The following CLCN7 variants were observed in gnomAD, a reference collection of about 807,000 sequenced individuals.
CLCN7 encodes the protein Cl-/H+ antiporter 7, also known as H(+)/Cl(-) exchange transporter 7.
In CLCN7, 60 loss-of-function variants were observed where a neutral mutation model predicts 102.1. The observed-to-expected ratio is 0.59, with a 90% CI of 0.48 to 0.73. CLCN7 has a LOEUF of 0.73. Among genes scored for constraint, CLCN7 ranks in the 30% least tolerant of loss-of-function variants. The pLI, the probability that CLCN7 is intolerant of heterozygous loss-of-function variation, is 0.00. For synonymous variants in CLCN7, 560 were observed against 490.5 expected (o/e 1.14, Z -1.87); for missense variants, 962 against 1,125.7 (o/e 0.85, Z 2.08).
rs1420623169 is a variant in CLCN7, at chr16:1,474,979, C to T, written c.-5G>A. 1.4e-6 allele frequency: 2 copies of T among 1,477,674 alleles called. No individual in the cohort carries two copies. The highest frequency in any genetic ancestry group is 1.8e-4 in the Middle Eastern group (1 of 5,630). 91.5% of individuals were successfully genotyped at this position (1,477,674 alleles called of 1,614,324 possible). ...CTTCTTAGAGACGTTGGCCATGGCCCGCCGCGGAGCGACACCGGCCGGGAA... is the reference window on the plus strand; with the variant it reads ...CTTCTTAGAGACGTTGGCCATGGCCTGCCGCGGAGCGACACCGGCCGGGAA... On this transcript the variant is annotated 5_prime_UTR_variant, in exon 1 of 25. Transcript: ENST00000382745.
At chr16:1,473,867 G>C (rs1018954226) in intron 1 of CLCN7, among the ~76,000 whole-genome samples, 2 of 151,836 alleles carry the variant, frequency 1.3e-5, no homozygotes, top group Non-Finnish European at 2.9e-5. Flanking sequence ...GGGGGATCAC[G>C]TGAGGTCGGG....
rs1424593481 is a variant in CLCN7, at chr16:1,457,141, G to C, written c.822+113C>G. 5.8e-6 allele frequency: 6 copies of C among 1,033,576 alleles called. No individual in the cohort carries two copies. The highest frequency in any genetic ancestry group is 9.0e-6 in the Non-Finnish European group (6 of 663,738). The allele number at this position is 1,033,576 out of a possible 1,614,324, so 64.0% of individuals were successfully genotyped here. On this transcript the variant is annotated intron_variant, in intron 9 of 24. Transcript: ENST00000382745. This position sits in a 1 kb window ranked among gnomAD's most constrained non-coding sequence, Gnocchi z 5.4. Reference sequence around the variant, plus strand: ...GGAGCCACCCGCCAGGCTGTCCTCAGATGGGGCTGGGGCTCTCGGCCTGGG... The same window carrying C: ...GGAGCCACCCGCCAGGCTGTCCTCACATGGGGCTGGGGCTCTCGGCCTGGG...
intron 1 of CLCN7, among the ~76,000 whole-genome samples, chr16:1,470,468 CG>C (rs916103784): frequency 1.3e-5 from 2 of 152,174 alleles, no homozygotes; most frequent in African/African-American, 4.8e-5. Context: ...AGCTGCCCCG[CG>C]GGGGGATGGG....
In CLCN7 at chr16:1,455,270, A is replaced by T. The variant is rs1567268736; in HGVS notation, c.982-20T>A. ...AAAGAACTGCGGCAGAGGGCAGGAA[A>T]CCAGCGCCCTCAGAGCCACGCTCCC... On this transcript the variant is annotated intron_variant, in intron 11 of 24. Coordinates refer to ENST00000382745, the MANE Select transcript of CLCN7 (RefSeq NM_001287.6). 1 of 1,473,308 alleles carries T rather than the reference A, an allele frequency of 6.8e-7. No homozygotes were observed. Among genetic ancestry groups the T allele is most frequent in the East Asian group, 2.3e-5 (1 of 44,182 alleles). 91.3% of individuals were successfully genotyped at this position (1,473,308 alleles called of 1,614,324 possible). A position where few individuals can be genotyped will look rare whatever the true frequency, so the allele number is the denominator to read the frequency against.
chr16:1,469,115 A>T (rs1176062660), intron 1 of CLCN7, among the ~76,000 whole-genome samples: 1 of 151,706 alleles, frequency 6.6e-6, no homozygotes, highest in Non-Finnish European at 1.5e-5. Context: ...CTAAGGCAGG[A>T]GAACTGCTTG....
chr16:1,471,797 C>T (rs2039081476), intron 1 of CLCN7: 1 of 152,296 alleles, frequency 6.6e-6, no homozygotes, highest in Admixed American at 6.5e-5. Flanking sequence ...GTCTTGGCCT[C>T]TAGACTCCGC....
chr16:1,460,539 C>T lies in CLCN7; in HGVS notation c.485-12G>A. On this transcript the variant is annotated splice_polypyrimidine_tract_variant and intron_variant, in intron 5 of 24. Transcript: ENST00000382745. The stretch of plus-strand genomic sequence containing the variant: ...GAACTTGTCGATATCTGGGGCTCAT[C>T]AAGGAGGGCTGGCTGCTTCCCCGTC... 1.3e-6 allele frequency: 2 copies of T among 1,599,580 alleles called. No individual in the cohort carries two copies. The highest frequency in any genetic ancestry group is 1.7e-6 in the Non-Finnish European group (2 of 1,167,742).
intron 17 of CLCN7, 156 bp from the exon 18 acceptor site, chr16:1,449,483 ACAC>A: frequency 1.5e-6 from 1 of 682,638 alleles, no homozygotes; most frequent in Middle Eastern, 3.1e-4. Context: ...CTAGCACAGT[ACAC>A]CCTGCTGCGG....
At chr16:1,452,613 A>G in intron 15 of CLCN7, 142 bp downstream of exon 15, 1 of 867,952 alleles carries the variant, frequency 1.2e-6, no homozygotes, top group South Asian at 1.7e-5. Context: ...GACAGGACTA[A>G]CCCTCTTTGA....
chr16:1,455,478 G>A, intron 11 of CLCN7: 1 of 647,372 alleles, frequency 1.5e-6, no homozygotes, highest in Non-Finnish European at 2.8e-6. Flanking sequence ...GGGAAGGTGG[G>A]GCAGGGCTGG....
chr16:1,460,502 G>T lies in CLCN7; in HGVS notation c.510C>A (p.Gly170=). 1.9e-6 allele frequency: 3 copies of T among 1,613,456 alleles called. No homozygotes were observed. The South Asian group carries it at 3.3e-5, about 18-fold the overall frequency. The part of the protein sequence containing the change: ...KGNIDKFTEK[G]GLSFSLLLWA... ...ACAGCAACAGGGAGAAGGACAGTCCGCCCTTCTCTGTGAACTTGTCGATAT... is the reference window on the plus strand; with the variant it reads ...ACAGCAACAGGGAGAAGGACAGTCCTCCCTTCTCTGTGAACTTGTCGATAT... The change falls in exon 6 of 25, where the codon GGC becomes GGA. Residue 170 remains glycine, a synonymous_variant. Coordinates refer to ENST00000382745, the MANE Select transcript of CLCN7 (RefSeq NM_001287.6).
In CLCN7 at chr16:1,448,346, G is replaced by A; in HGVS notation, c.2013+9C>T. On this transcript the variant is annotated intron_variant, in intron 21 of 24. Transcript: ENST00000382745. ...ATAGGCAGGACCCTGTCTATGGGGT[G>A]CCCGGTACCTGGGTGTCATCGGCAT... 3 of 1,612,690 alleles carry A rather than the reference G, an allele frequency of 1.9e-6. No individual in the cohort carries two copies. Among genetic ancestry groups the A allele is most frequent in the South Asian group, 1.1e-5 (1 of 91,080 alleles).
In CLCN7 at chr16:1,461,484, C is replaced by G; in HGVS notation, c.286-14G>C. The G allele has an allele frequency of 6.3e-7, 1 of 1,588,244 alleles. No individual in the cohort carries two copies. The highest frequency in any genetic ancestry group is 1.9e-5 in the Admixed American group (1 of 53,706). On this transcript the variant is annotated splice_polypyrimidine_tract_variant and intron_variant, in intron 3 of 24. Transcript: ENST00000382745. ...ATAGTCCAAGCTCTGCAGGCCGGGA[C>G]AGCAAGGGCAGCACTCAGCACCGAA...
intron 16 of CLCN7, 51 bp from the exon 17 acceptor site, chr16:1,450,717 G>GTCTAC (rs2038734823): frequency 8.0e-7 from 1 of 1,242,996 alleles, no homozygotes; most frequent in Non-Finnish European, 1.1e-6. Context: ...GCCTCCGCAG[G>GTCTAC]ACTGCCCTGC....
At chr16:1,452,234 G>A (rs1182234836) in intron 15 of CLCN7, 5 of 230,948 alleles carry the variant, frequency 2.2e-5, no homozygotes, top group South Asian at 6.3e-5. Flanking sequence ...GCCCACTCCC[G>A]CCGTGGCACC....
Position 1,450,575 on chromosome 16 carries a change from G to A in CLCN7, c.1539C>T (p.Val513=), listed in dbSNP as rs1386352689. The change falls in exon 17 of 25, where the codon GTC becomes GTT. Residue 513 remains valine, a synonymous_variant. Transcript: ENST00000382745. ...CCCCGATGAGCAGGGACGGGATGAA[G>A]ACCCCGGCAGACACCGTGAGCCCGT... ...WTYGLTVSAG[V]FIPSLLIGAA... is the part of the protein sequence containing the mutation. 1.2e-6 allele frequency: 2 copies of A among 1,612,312 alleles called. No individual in the cohort carries two copies. The highest frequency in any genetic ancestry group is 1.1e-5 in the South Asian group (1 of 90,922).
chr16:1,458,570 C>T (rs2038875926), intron 7 of CLCN7, among the ~76,000 whole-genome samples: 2 of 152,240 alleles, frequency 1.3e-5, no homozygotes, highest in African/African-American at 4.8e-5. Flanking sequence ...GAAGCACCCC[C>T]AGGGGGCAGC....
intron 10 of CLCN7, 28 bp downstream of exon 10, chr16:1,456,085 G>A (rs760827426): frequency 2.9e-5 from 44 of 1,511,666 alleles, no homozygotes; most frequent in Non-Finnish European, 3.3e-5. Context: ...CGAGGGCAAA[G>A]CATTGGACCC....
rs148849441 is a variant in CLCN7, at chr16:1,470,999, C to T, written c.141+3835G>A. Among the ~76,000 whole-genome samples the T allele has an allele frequency of 3.8e-3, 577 of 152,340 alleles. 1 individual carries two copies. Among genetic ancestry groups the T allele is most frequent in the African/African-American group, 0.013 (525 of 41,578 alleles). On this transcript the variant is annotated intron_variant, in intron 1 of 24. Coordinates refer to ENST00000382745, the MANE Select transcript of CLCN7 (RefSeq NM_001287.6). ...GTTCTCAAGGAGTTCTGCTTCCTGC[C>T]GCCCACACACGGCCAGGGCTGGCTG...
Sources: allele counts gnomAD v4.1 joint callset (sites outside exome capture counted in the v4.1 genomes callset), GRCh38; gene constraint gnomAD v4.1.1; non-coding constraint Gnocchi (gnomAD v3.1); transcripts MANE v1.5; gene names NCBI Gene and HGNC (gene_info 2026-07-23, HGNC 2026-07-21).